CADPS: variants seen among roughly 807,000 people sequenced by gnomAD.
CADPS encodes the protein calcium-dependent secretion activator 1.
Under a neutral mutation model 167.3 loss-of-function variants are expected in CADPS, and 57 were observed. The ratio of observed to expected loss-of-function variants is 0.34; its 90% CI spans 0.28 to 0.42. The LOEUF is 0.42. Ranked by LOEUF, CADPS falls within the 20% of genes least tolerant of loss-of-function variation. CADPS has a pLI of 1.00. For synonymous variants in CADPS, 676 were observed against 635.3 expected (o/e 1.06, Z -0.96); for missense variants, 1,414 against 1,738.1 (o/e 0.81, Z 3.32).
rs2076428888 is a variant in CADPS at position 62,676,950 on chromosome 3, A to G, written c.889-14556T>C. 2.0e-5 allele frequency among the ~76,000 whole-genome samples: 3 copies of G among 152,292 alleles called. No homozygotes were observed. In the South Asian group the frequency reaches 6.2e-4, roughly 32 times the overall value. Reference sequence around the variant, plus strand: ...AAGGGATCTTATGCTCCTGATAGGAAGTCAGACATGCACCCTAAGAGGAGA... The same window carrying G: ...AAGGGATCTTATGCTCCTGATAGGAGGTCAGACATGCACCCTAAGAGGAGA... On this transcript the variant is annotated intron_variant, in intron 3 of 29. Transcript: ENST00000383710.
intron 6 of CADPS, among the ~76,000 whole-genome samples, chr3:62,596,008 C>T (rs1463387054): frequency 6.6e-6 from 1 of 151,878 alleles, no homozygotes; most frequent in African/African-American, 2.4e-5. Context: ...TCTTGCTCCT[C>T]AGCTTGCAGA....
intron 3 of CADPS, among the ~76,000 whole-genome samples, chr3:62,712,133 A>T (rs943013629): frequency 1.3e-5 from 2 of 152,176 alleles, no homozygotes; most frequent in South Asian, 2.1e-4. Context: ...ATTGTTTTAA[A>T]TTTTTTTGCT....
At chr3:62,839,624 G>A (rs1031604871) in intron 1 of CADPS, among the ~76,000 whole-genome samples, 2 of 152,154 alleles carry the variant, frequency 1.3e-5, no homozygotes, top group African/African-American at 4.8e-5. Context: ...TAGGGTTTAC[G>A]TAGAGGAATG....
At chr3:62,639,290 A>AT (rs1028059007) in intron 6 of CADPS, among the ~76,000 whole-genome samples, 3 of 152,328 alleles carry the variant, frequency 2.0e-5, no homozygotes, top group African/African-American at 7.2e-5. Flanking sequence ...GAAGGAAAAA[A>AT]CAGAAGAAAT....
chr3:62,449,078 CA>C (rs1217534092), intron 26 of CADPS, among the ~76,000 whole-genome samples: 4 of 152,162 alleles, frequency 2.6e-5, no homozygotes, highest in Non-Finnish European at 4.4e-5. Flanking sequence ...AGCTTCAGTG[CA>C]GGTTTGAATT....
chr3:62,460,243 G>A (rs561947156), intron 26 of CADPS, among the ~76,000 whole-genome samples: 2 of 152,274 alleles, frequency 1.3e-5, no homozygotes, highest in South Asian at 4.1e-4. Context: ...ACAGTGTCCG[G>A]CACATAGTAT....
chr3:62,812,319 G>C (rs1576741885), intron 1 of CADPS, among the ~76,000 whole-genome samples: 1 of 152,058 alleles, frequency 6.6e-6, no homozygotes, highest in Admixed American at 6.6e-5. Context: ...AAGTCCTTTT[G>C]CCTTAATACA....
chr3:62,670,022 A>G (rs1455755209), intron 3 of CADPS, among the ~76,000 whole-genome samples: 1 of 152,192 alleles, frequency 6.6e-6, no homozygotes, highest in African/African-American at 2.4e-5. Context: ...AATCCTTAGG[A>G]AAAAAATCAT....
chr3:62,863,049 C>T (rs1260759546), intron 1 of CADPS, among the ~76,000 whole-genome samples: 3 of 152,140 alleles, frequency 2.0e-5, no homozygotes, highest in African/African-American at 4.8e-5. Flanking sequence ...AGTTATGAAC[C>T]AACAATCATG....
chr3:62,422,648 G>A (rs1305430989), intron 28 of CADPS, among the ~76,000 whole-genome samples: 1 of 152,088 alleles, frequency 6.6e-6, no homozygotes, highest in Non-Finnish European at 1.5e-5. Flanking sequence ...GACATCTTAG[G>A]CATTATTGGA....
chr3:62,438,297 C>G lies in CADPS; in HGVS notation c.3670-86G>C. 1 of 909,316 alleles carries G rather than the reference C, an allele frequency of 1.1e-6. No individual in the cohort carries two copies. The allele number at this position is 909,316 out of a possible 1,614,324, so 56.3% of individuals were successfully genotyped here. A position where few individuals can be genotyped will look rare whatever the true frequency, so the allele number is the denominator to read the frequency against. ...CATTCACTTGTACCCTCTACTTGCC[C>G]TCACACACCCTGAGATGCTTCTGCT... On this transcript the variant is annotated intron_variant, in intron 27 of 29. Transcript: ENST00000383710. This position sits in a 1 kb window ranked among gnomAD's most constrained non-coding sequence, Gnocchi z 4.7.
At chr3:62,476,102 A>G (rs2061289229) in intron 23 of CADPS, among the ~76,000 whole-genome samples, 1 of 152,214 alleles carries the variant, frequency 6.6e-6, no homozygotes, top group Admixed American at 6.5e-5. Flanking sequence ...AACCTGATAT[A>G]GACTAGACTA....
At chr3:62,698,016 T>C (rs558904611) in intron 3 of CADPS, among the ~76,000 whole-genome samples, 1 of 152,210 alleles carries the variant, frequency 6.6e-6, no homozygotes, top group African/African-American at 2.4e-5. Flanking sequence ...GATGTATAGA[T>C]GGTAAAGATT....
In CADPS at chr3:62,515,986, G is replaced by GA. The variant is rs367979076; in HGVS notation, c.2581+72dup. On this transcript the variant is annotated intron_variant, in intron 16 of 29. Transcript: ENST00000383710. ...GACCACTGTTTTCAGGTGCCCTTGA[G>GA]AAAAGAGAAAGACTTCCCCAGGGAG... is the stretch of plus-strand genomic sequence containing the variant. 3,262 of 1,583,134 alleles carry GA rather than the reference G, an allele frequency of 2.1e-3. 50 individuals are homozygous for GA. In the African/African-American group the frequency reaches 0.036, roughly 18 times the overall value.
intron 21 of CADPS, among the ~76,000 whole-genome samples, chr3:62,488,325 C>T (rs577418226): frequency 5.9e-5 from 9 of 152,290 alleles, no homozygotes; most frequent in African/African-American, 2.2e-4. Flanking sequence ...AGTCACTCCT[C>T]TTAGCACATA....
At position 62,729,683 on chromosome 3, in the gene CADPS, C is replaced by T. The variant is rs1046596421; in HGVS notation, c.888+23758G>A. Among the ~76,000 whole-genome samples the T allele has an allele frequency of 8.6e-5, 13 of 151,950 alleles. 1 individual carries two copies. Among genetic ancestry groups the T allele is most frequent in the African/African-American group, 3.2e-4 (13 of 41,256 alleles). The stretch of plus-strand genomic sequence containing the variant: ...TTGTCTGATACATAATAAGCATAAT[C>T]CAAATTGTAGTCACTATCACCTCAA... On this transcript the variant is annotated intron_variant, in intron 3 of 29. Transcript: ENST00000383710.
intron 3 of CADPS, among the ~76,000 whole-genome samples, chr3:62,722,837 G>A (rs2076071689): frequency 6.6e-6 from 1 of 152,090 alleles, no homozygotes; most frequent in Non-Finnish European, 1.5e-5. Flanking sequence ...TGCGTGGTGG[G>A]GGCCGTGAGG....
intron 29 of CADPS, among the ~76,000 whole-genome samples, chr3:62,401,742 T>TTTG (rs1021918886): frequency 2.0e-5 from 3 of 151,448 alleles, no homozygotes; most frequent in African/African-American, 7.3e-5. Context: ...ATTTTTTTTT[T>TTTG]TTTGTTTTGG....
At position 62,677,898 on chromosome 3, in the gene CADPS, C is replaced by A. The variant is rs1278797145; in HGVS notation, c.889-15504G>T. The stretch of plus-strand genomic sequence containing the variant: ...AGGCACCAGGTTTGCAAGAACAATC[C>A]AGACAGGTATTTCCGGAATTCTGCT... On this transcript the variant is annotated intron_variant, in intron 3 of 29. Transcript: ENST00000383710. 2.0e-5 allele frequency among the ~76,000 whole-genome samples: 3 copies of A among 152,058 alleles called. No individual in the cohort carries two copies. In the East Asian group the frequency reaches 5.8e-4, roughly 29 times the overall value.
Sources: gnomAD v4.1 joint callset for allele counts (sites outside exome capture counted in the v4.1 genomes callset) on GRCh38, gnomAD v4.1.1 for gene constraint, Gnocchi (gnomAD v3.1) non-coding constraint, MANE v1.5 for transcripts, NCBI Gene and HGNC (gene_info 2026-07-23, HGNC 2026-07-21) for gene names.